RGS22: variants seen among roughly 807,000 people sequenced by gnomAD.
The protein encoded by RGS22 is regulator of G-protein signaling 22.
A neutral mutation model predicts 172.9 loss-of-function variants in RGS22; 148 were observed. That is an observed-to-expected ratio of 0.86 (90% CI 0.75 to 0.98). The LOEUF (loss-of-function observed/expected upper bound fraction) is 0.98, where lower values mean the gene tolerates loss of function less well. Among genes scored for constraint, RGS22 ranks in the 50% least tolerant of loss-of-function variants. The probability of loss-of-function intolerance (pLI) is 0.00; values close to 1 mark genes in which losing one functional copy is unlikely to be tolerated. For synonymous variants in RGS22, 458 were observed against 480.2 expected (o/e 0.95, Z 0.60); for missense variants, 1,347 against 1,440.8 (o/e 0.93, Z 1.05).
chr8:99,978,136 C>T, intron 22 of RGS22, 61 bp from the exon 23 acceptor site: 2 of 976,640 alleles, frequency 2.0e-6, no homozygotes, highest in South Asian at 4.0e-5. Context: ...AAACTCTATT[C>T]ACCATAATAA....
At chr8:100,028,401 C>A (rs1818405049) in intron 14 of RGS22, among the ~76,000 whole-genome samples, 1 of 150,344 alleles carries the variant, frequency 6.7e-6, no homozygotes, top group African/African-American at 2.5e-5. Flanking sequence ...TTATTTAATA[C>A]CCATAGTAAG....
chr8:100,020,647 G>C lies in RGS22; in HGVS notation c.2167-12078C>G, dbSNP rs1025034477. On this transcript the variant is annotated intron_variant, in intron 14 of 27. Transcript: ENST00000360863. ...AGCCAGCTTGTACCAGCTCACAAGA[G>C]CCGATTCATAAACATTCAGGAATTT... Among the ~76,000 whole-genome samples, 4 of 152,242 alleles carry C rather than the reference G, an allele frequency of 2.6e-5. No individual in the cohort carries two copies. In the South Asian group the frequency reaches 8.3e-4, roughly 32 times the overall value.
At position 99,962,909 on chromosome 8, in the gene RGS22, C is replaced by G; in HGVS notation, c.3685G>C (p.Glu1229Gln). ...CCTGCAAACAACTTTTTTTCTAGTTCTTCTTGGATCTTAAGAAGAATTCTC... is the reference window on the plus strand; with the variant it reads ...CCTGCAAACAACTTTTTTTCTAGTTGTTCTTGGATCTTAAGAAGAATTCTC... ...QERILLKIQE[E>Q]LEKKLFAGLQ... Residue 1229 changes from glutamate (E) to glutamine (Q), a missense_variant, in exon 25 of 28, where the codon GAA becomes CAA. By Grantham distance (29) the Glu-to-Gln change is conservative (BLOSUM62 2). Coordinates refer to ENST00000360863, the MANE Select transcript of RGS22 (RefSeq NM_015668.5). 1 of 1,600,234 alleles carries G rather than the reference C, an allele frequency of 6.2e-7. No homozygotes were observed. Among genetic ancestry groups the G allele is most frequent in the East Asian group, 2.2e-5 (1 of 44,738 alleles).
intron 14 of RGS22, among the ~76,000 whole-genome samples, chr8:100,013,147 G>A (rs1007620443): frequency 6.6e-6 from 1 of 151,778 alleles, no homozygotes; most frequent in Non-Finnish European, 1.5e-5. Flanking sequence ...CCACCACCAC[G>A]CCCAGCTAAT....
intron 10 of RGS22, 73 bp from the exon 11 acceptor site, chr8:100,047,669 T>G (rs2131642056): frequency 7.4e-7 from 1 of 1,355,382 alleles, no homozygotes; most frequent in South Asian, 1.9e-5. Context: ...TACCTCAAAT[T>G]TGTTCTCATC....
At chr8:100,094,019 A>G (rs1212887751) in intron 2 of RGS22, among the ~76,000 whole-genome samples, 1 of 151,846 alleles carries the variant, frequency 6.6e-6, no homozygotes, top group African/African-American at 2.4e-5. Context: ...AGAATGAGGT[A>G]CATTTTTAAA....
At chr8:99,986,217 G>C (rs945901613) in intron 21 of RGS22, among the ~76,000 whole-genome samples, 1 of 151,980 alleles carries the variant, frequency 6.6e-6, no homozygotes, top group Non-Finnish European at 1.5e-5. Context: ...GCAACAAAAT[G>C]AGACCCTGTC....
At chr8:100,020,616 T>C (rs1817508820) in intron 14 of RGS22, among the ~76,000 whole-genome samples, 1 of 152,202 alleles carries the variant, frequency 6.6e-6, no homozygotes, top group Non-Finnish European at 1.5e-5. Flanking sequence ...AGCAATGGTT[T>C]ACTGGAGCCA....
chr8:100,009,852 C>A (rs1816178478), intron 14 of RGS22, among the ~76,000 whole-genome samples: 1 of 152,154 alleles, frequency 6.6e-6, no homozygotes, highest in Admixed American at 6.5e-5. Flanking sequence ...TCTTAGACAC[C>A]TGGCTAGGTG....
chr8:100,057,710 G>GA (rs1809757168), intron 9 of RGS22, among the ~76,000 whole-genome samples: 1 of 152,168 alleles, frequency 6.6e-6, no homozygotes, highest in African/African-American at 2.4e-5. Flanking sequence ...ACATGGATCT[G>GA]TGAGTCCAAT....
chr8:100,021,661 T>C (rs1002858741), intron 14 of RGS22, among the ~76,000 whole-genome samples: 2 of 152,130 alleles, frequency 1.3e-5, no homozygotes, highest in Admixed American at 6.5e-5. Flanking sequence ...AGAAACCATA[T>C]TGCTGTATGT....
chr8:100,076,570 G>A (rs1433013538), intron 4 of RGS22, among the ~76,000 whole-genome samples: 1 of 152,172 alleles, frequency 6.6e-6, no homozygotes, highest in African/African-American at 2.4e-5. Flanking sequence ...ATTAACCAGT[G>A]AAGCCATCTG....
At chr8:100,092,187 T>G (rs527365800) in intron 3 of RGS22, among the ~76,000 whole-genome samples, 2 of 152,180 alleles carry the variant, frequency 1.3e-5, no homozygotes, top group African/African-American at 2.4e-5. Context: ...CCTTAAAAAT[T>G]ACTTGTGATT....
At chr8:99,965,725 AC>A (rs1038167721) in intron 23 of RGS22, among the ~76,000 whole-genome samples, 7 of 152,160 alleles carry the variant, frequency 4.6e-5, no homozygotes, top group African/African-American at 1.7e-4. Flanking sequence ...ATTTTCATGA[AC>A]ATCCATCCAT....
At chr8:99,977,890 T>A in intron 23 of RGS22, 27 bp downstream of exon 23, 1 of 1,539,834 alleles carries the variant, frequency 6.5e-7, no homozygotes. Context: ...AAAAGTCTGA[T>A]AAAACCCAAA....
At chr8:100,010,483 TA>T (rs1456205627) in intron 14 of RGS22, among the ~76,000 whole-genome samples, 1 of 152,054 alleles carries the variant, frequency 6.6e-6, no homozygotes, top group East Asian at 1.9e-4. Flanking sequence ...AGACTCCGTC[TA>T]AAAAAATAAA....
intron 19 of RGS22, among the ~76,000 whole-genome samples, chr8:99,997,751 C>T (rs987926191): frequency 1.3e-5 from 2 of 152,180 alleles, no homozygotes; most frequent in African/African-American, 2.4e-5. Context: ...GTGCTAATGA[C>T]ATTTTAAATT....
At chr8:100,101,188 T>A (rs1260866181) in intron 2 of RGS22, among the ~76,000 whole-genome samples, 1 of 152,154 alleles carries the variant, frequency 6.6e-6, no homozygotes, top group Non-Finnish European at 1.5e-5. Context: ...TCTATTTTAA[T>A]GATAAAAAAA....
chr8:100,040,200 A>G (rs2131598213), intron 12 of RGS22, 113 bp from the exon 13 acceptor site: 1 of 939,218 alleles, frequency 1.1e-6, no homozygotes, highest in Non-Finnish European at 1.6e-6. Flanking sequence ...CCACTGGACT[A>G]TTTTATTTTT....
Sources: allele counts gnomAD v4.1 joint callset (sites outside exome capture counted in the v4.1 genomes callset), GRCh38; gene constraint gnomAD v4.1.1; transcripts MANE v1.5; gene names NCBI Gene and HGNC (gene_info 2026-07-23, HGNC 2026-07-21).